The following LRP1 variants were observed in gnomAD, a reference collection of about 807,000 sequenced individuals.
The protein encoded by LRP1 is prolow-density lipoprotein receptor-related protein 1.
A neutral mutation model predicts 541.5 loss-of-function variants in LRP1; 51 were observed. The observed-to-expected ratio is 0.09, with a 90% confidence interval of 0.08 to 0.12. The LOEUF is 0.12. Among genes scored for constraint, LRP1 ranks in the 10% least tolerant of loss-of-function variants. LRP1 has a pLI of 1.00. For synonymous variants in LRP1, 2,219 were observed against 2,470.8 expected (o/e 0.90, Z 3.02); for missense variants, 3,878 against 6,376.2 (o/e 0.61, Z 13.34).
At position 57,201,399 on chromosome 12, in the gene LRP1, A is replaced by T; in HGVS notation, c.10346-98A>T. 1 of 1,511,912 alleles carries T rather than the reference A, an allele frequency of 6.6e-7. No homozygotes were observed. Among genetic ancestry groups the T allele is most frequent in the Non-Finnish European group, 8.9e-7 (1 of 1,122,052 alleles). The allele number at this position is 1,511,912 out of a possible 1,614,324, so 93.7% of individuals were successfully genotyped here. A position where few individuals can be genotyped will look rare whatever the true frequency, so the allele number is the denominator to read the frequency against. ...TCCTTCCTCCGAAGAAGTTGCTGGC[A>T]GGACCAAGGCCAGGGCTTGGAAGAG... On this transcript the variant is annotated intron_variant, in intron 65 of 88. Transcript: ENST00000243077. The surrounding 1 kb of genome is among the most constrained non-coding windows in gnomAD (Gnocchi z 6.4).
rs751693622 is a variant in LRP1 at position 57,177,156 on chromosome 12, G to A, written c.4107G>A (p.Glu1369=). The change falls in exon 25 of 89, where the codon GAG becomes GAA. Residue 1369 remains glutamate (E), a synonymous_variant. Transcript: ENST00000243077. The surrounding 1 kb of genome is among the most constrained non-coding windows in gnomAD (Gnocchi z 6.8). ...YWVESNLDQI[E]VAKLDGTLRT... is the part of the protein sequence containing the mutation. ...TGGAGAGTAACCTGGATCAGATCGA[G>A]GTGGCCAAGCTGGATGGGACCCTCC... 4 of 1,614,118 alleles carry A rather than the reference G, an allele frequency of 2.5e-6. No homozygotes were observed. The highest frequency in any genetic ancestry group is 1.7e-5 in the Admixed American group (1 of 60,008).
At position 57,179,284 on chromosome 12, in the gene LRP1, C is replaced by T. The variant is rs1284254657; in HGVS notation, c.4739-45C>T. 2 of 1,453,142 alleles carry T rather than the reference C, an allele frequency of 1.4e-6. No individual in the cohort carries two copies. The highest frequency in any genetic ancestry group is 1.9e-6 in the Non-Finnish European group (2 of 1,040,586). The allele number at this position is 1,453,142 out of a possible 1,614,324, so 90.0% of individuals were successfully genotyped here. On this transcript the variant is annotated intron_variant, in intron 28 of 88. Transcript: ENST00000243077. This position sits in a 1 kb window ranked among gnomAD's most constrained non-coding sequence, Gnocchi z 6.8. The stretch of plus-strand genomic sequence containing the variant: ...GGCCTGAAACCGGATTGGTGGGAAG[C>T]ACAGAGGCAGGGACTGCCTTCAGTG...
At position 57,190,883 on chromosome 12, in the gene LRP1, C is replaced by T; in HGVS notation, c.7110C>T (p.Thr2370=). ...RAALSGANVL[T]LIEKDIRTPN... is the part of the protein sequence containing the mutation. Reference sequence around the variant, plus strand: ...CGCTCTCGGGAGCCAATGTCCTGACCCTTATCGAGAAGGACATCCGTACCC... The same window carrying T: ...CGCTCTCGGGAGCCAATGTCCTGACTCTTATCGAGAAGGACATCCGTACCC... Residue 2370 remains threonine, a synonymous_variant, in exon 43 of 89, where the codon ACC becomes ACT. Transcript: ENST00000243077. 3 of 1,613,980 alleles carry T rather than the reference C, an allele frequency of 1.9e-6. No individual in the cohort carries two copies. Among genetic ancestry groups the T allele is most frequent in the Non-Finnish European group, 2.5e-6 (3 of 1,179,986 alleles).
In LRP1 at chr12:57,204,322, C is replaced by G. The variant is rs2036722585; in HGVS notation, c.10952-88C>G. 1 of 1,392,168 alleles carries G rather than the reference C, an allele frequency of 7.2e-7. No individual in the cohort carries two copies. Among genetic ancestry groups the G allele is most frequent in the East Asian group, 2.4e-5 (1 of 41,478 alleles). The allele number at this position is 1,392,168 out of a possible 1,614,324, so 86.2% of individuals were successfully genotyped here. A position where few individuals can be genotyped will look rare whatever the true frequency, so the allele number is the denominator to read the frequency against. ...GCTGTGCCACTGCTTGCCTGGTGAC[C>G]CCTCTGAGCCTGGAACCCCCACCTG... On this transcript the variant is annotated intron_variant, in intron 70 of 88. Coordinates refer to ENST00000243077, the MANE Select transcript of LRP1 (RefSeq NM_002332.3). The surrounding 1 kb of genome is among the most constrained non-coding windows in gnomAD (Gnocchi z 5.3).
intron 6 of LRP1, among the ~76,000 whole-genome samples, chr12:57,148,198 T>A (rs2035453664): frequency 1.3e-5 from 2 of 152,214 alleles, no homozygotes; most frequent in South Asian, 4.2e-4. Context: ...CGTTTTTATT[T>A]GATATGCATT....
chr12:57,136,201 G>T (rs73120421), intron 1 of LRP1, among the ~76,000 whole-genome samples: 11 of 152,278 alleles, frequency 7.2e-5, no homozygotes, highest in Non-Finnish European at 1.2e-4. Context: ...TCCTCAAGGG[G>T]CCTTTATTCC....
chr12:57,147,032 C>T (rs2035423646), intron 6 of LRP1, among the ~76,000 whole-genome samples: 1 of 152,102 alleles, frequency 6.6e-6, no homozygotes, highest in South Asian at 2.1e-4. Flanking sequence ...GCCTCATCTC[C>T]TTATCTGACT....
intron 52 of LRP1, 118 bp from the exon 53 acceptor site, chr12:57,195,540 C>A: frequency 6.3e-7 from 1 of 1,575,306 alleles, no homozygotes; most frequent in South Asian, 1.1e-5. Flanking sequence ...CCCAGGTGTC[C>A]AGACTCCTCA....
At chr12:57,196,327 C>T (rs756733905) in intron 55 of LRP1, 50 bp downstream of exon 55, 39 of 1,450,802 alleles carry the variant, frequency 2.7e-5, no homozygotes, top group Admixed American at 7.1e-5. Flanking sequence ...GTGCCAGGAA[C>T]GCCTTTCTCC....
rs1230001925 is a variant in LRP1 at position 57,158,472 on chromosome 12, G to A, written c.1632G>A (p.Gly544=). ...RPGIIRGMDM[G]AKVPDEHMIP... is the part of the protein sequence containing the mutation. ...GCATCATCCGGGGCATGGATATGGG[G>A]GCCAAGGTCCCGGATGAGCACATGA... is the stretch of plus-strand genomic sequence containing the variant. Residue 544 remains glycine, a synonymous_variant, in exon 11 of 89, where the codon GGG becomes GGA. Coordinates refer to ENST00000243077, the MANE Select transcript of LRP1 (RefSeq NM_002332.3). The surrounding 1 kb of genome is among the most constrained non-coding windows in gnomAD (Gnocchi z 5.3). 1 of 1,614,060 alleles carries A rather than the reference G, an allele frequency of 6.2e-7. No homozygotes were observed. The highest frequency in any genetic ancestry group is 1.3e-5 in the African/African-American group (1 of 74,938).
Position 57,177,716 on chromosome 12 carries a change from G to T in LRP1, c.4361+125G>T. The T allele has an allele frequency of 8.4e-7, 1 of 1,186,828 alleles. No homozygotes were observed. Among genetic ancestry groups the T allele is most frequent in the Non-Finnish European group, 1.2e-6 (1 of 843,058 alleles). 73.5% of individuals were successfully genotyped at this position (1,186,828 alleles called of 1,614,324 possible). A position where few individuals can be genotyped will look rare whatever the true frequency, so the allele number is the denominator to read the frequency against. Reference sequence around the variant, plus strand: ...TCTAGAACTAGGAACGGTGGCAAAGGACTGGGCACAGGAGGAGGAGGACGG... The same window carrying T: ...TCTAGAACTAGGAACGGTGGCAAAGTACTGGGCACAGGAGGAGGAGGACGG... On this transcript the variant is annotated intron_variant, in intron 26 of 88. Coordinates refer to ENST00000243077, the MANE Select transcript of LRP1 (RefSeq NM_002332.3). The surrounding 1 kb of genome is among the most constrained non-coding windows in gnomAD (Gnocchi z 6.8).
At chr12:57,142,216 G>A (rs2136659713) in intron 3 of LRP1, among the ~76,000 whole-genome samples, 1 of 152,372 alleles carries the variant, frequency 6.6e-6, no homozygotes, top group South Asian at 2.1e-4. Context: ...TGTCCGGGGA[G>A]GCAGAGCCTC....
intron 1 of LRP1, among the ~76,000 whole-genome samples, chr12:57,135,234 G>A (rs913656962): frequency 5.9e-5 from 9 of 152,242 alleles, no homozygotes; most frequent in African/African-American, 1.7e-4. Context: ...GGAGACCTCC[G>A]GGTTCTCTCA....
rs950890148 is a variant in LRP1, at chr12:57,145,390, T to C, written c.741T>C (p.Val247=). ...YANETVCWVH[V]GDSAAQTQLK... ...ACGAGACCGTATGCTGGGTGCATGT[T>C]GGGGACAGTGCTGCTCAGACGCAGC... Residue 247 remains valine, a synonymous_variant, in exon 6 of 89, where the codon GTT becomes GTC. Transcript: ENST00000243077. 1 of 1,614,122 alleles carries C rather than the reference T, an allele frequency of 6.2e-7. No homozygotes were observed. The highest frequency in any genetic ancestry group is 2.2e-5 in the East Asian group (1 of 44,886).
Position 57,160,953 on chromosome 12 carries a change from G to T in LRP1, c.2040G>T (p.Glu680Asp). 6.2e-7 allele frequency: 1 copy of T among 1,614,002 alleles called. No homozygotes were observed. The part of the protein sequence containing the change: ...DPKDSRRGRL[E>D]RAWMDGSHRD... Reference sequence around the variant, plus strand: ...AGGACAGTCGGCGTGGGCGGCTGGAGAGGGCGTGGATGGATGGCTCACACC... The same window carrying T: ...AGGACAGTCGGCGTGGGCGGCTGGATAGGGCGTGGATGGATGGCTCACACC... Residue 680 changes from glutamate (E) to aspartate (D), a missense_variant, in exon 13 of 89, where the codon GAG becomes GAT. Glu to Asp is a conservative substitution (Grantham distance 45, BLOSUM62 2). Around this residue, in one of 13 missense-constraint regions of LRP1, gnomAD observed 496 missense variants for 861.0 expected, o/e 0.58. Transcript: ENST00000243077.
chr12:57,191,956 A>C (rs1450057709), intron 44 of LRP1, among the ~76,000 whole-genome samples: 27 of 62,446 alleles, frequency 4.3e-4, no homozygotes, highest in South Asian at 6.1e-4. Flanking sequence ...TACACACACC[A>C]CATACACACA....
At position 57,160,936 on chromosome 12, in the gene LRP1, C is replaced by A. The variant is rs1345855428; in HGVS notation, c.2023C>A (p.Arg675=). The A allele has an allele frequency of 1.2e-6, 2 of 1,613,944 alleles. No homozygotes were observed. The highest frequency in any genetic ancestry group is 1.7e-6 in the Non-Finnish European group (2 of 1,180,020). ...CTGGGAGGAGGACCCCAAGGACAGTCGGCGTGGGCGGCTGGAGAGGGCGTG... is the reference window on the plus strand; with the variant it reads ...CTGGGAGGAGGACCCCAAGGACAGTAGGCGTGGGCGGCTGGAGAGGGCGTG... ...TDWEEDPKDS[R]RGRLERAWMD... is the part of the protein sequence containing the mutation. The change falls in exon 13 of 89, where the codon CGG becomes AGG. Residue 675 remains arginine, a synonymous_variant. Coordinates refer to ENST00000243077, the MANE Select transcript of LRP1 (RefSeq NM_002332.3).
intron 15 of LRP1, among the ~76,000 whole-genome samples, chr12:57,163,879 G>A (rs78617650): frequency 0.021 from 3,158 of 152,174 alleles, 132 homozygotes; most frequent in African/African-American, 0.072. Context: ...TTGTAAAACG[G>A]AGTAAGTAAG....
chr12:57,212,638 C>A lies in LRP1; in HGVS notation c.*83C>A. The stretch of plus-strand genomic sequence containing the variant: ...TTCAGTGAGCCCCTCCCCAGCCAGC[C>A]CTTCCCTGGCCCCGCCGGATGTATA... On this transcript the variant is annotated 3_prime_UTR_variant, in exon 89 of 89. Coordinates refer to ENST00000243077, the MANE Select transcript of LRP1 (RefSeq NM_002332.3). The surrounding 1 kb of genome is among the most constrained non-coding windows in gnomAD (Gnocchi z 5.0). 7.3e-7 allele frequency: 1 copy of A among 1,363,154 alleles called. No individual in the cohort carries two copies. Among genetic ancestry groups the A allele is most frequent in the South Asian group, 1.4e-5 (1 of 71,076 alleles). 84.4% of individuals were successfully genotyped at this position (1,363,154 alleles called of 1,614,324 possible).
Sources: gnomAD v4.1 joint callset for allele counts (sites outside exome capture counted in the v4.1 genomes callset) on GRCh38, gnomAD v4.1.1 for gene constraint, gnomAD v4.1.1 regional missense constraint, Gnocchi (gnomAD v3.1) non-coding constraint, MANE v1.5 for transcripts, NCBI Gene and HGNC (gene_info 2026-07-23, HGNC 2026-07-21) for gene names.